The following DNAAF11 variants were observed in gnomAD, a reference collection of about 807,000 sequenced individuals.
DNAAF11 encodes the protein dynein axonemal assembly factor 11, also known as leucine rich repeat containing 6.
DNAAF11 carries 45 observed loss-of-function variants against 60.8 expected under a neutral mutation model. That is an observed-to-expected ratio of 0.74 (90% CI 0.58 to 0.95). The LOEUF (loss-of-function observed/expected upper bound fraction) is 0.95, where lower values mean the gene tolerates loss of function less well. DNAAF11 is among the 40% of genes least tolerant of loss of function. DNAAF11 has a pLI of 0.00. For missense variants in DNAAF11, 546 were observed against 546.2 expected (o/e 1.00, Z 0.00); for synonymous variants, 191 against 183.5 (o/e 1.04, Z -0.33).
At chr8:132,624,171 A>G (rs976978846) in intron 6 of DNAAF11, among the ~76,000 whole-genome samples, 7 of 152,196 alleles carry the variant, frequency 4.6e-5, no homozygotes, top group African/African-American at 7.2e-5. Flanking sequence ...TTCTATAAAC[A>G]TGTAGAACTT....
chr8:132,623,178 T>C (rs942513105), intron 6 of DNAAF11, among the ~76,000 whole-genome samples: 1 of 152,150 alleles, frequency 6.6e-6, no homozygotes, highest in Non-Finnish European at 1.5e-5. Flanking sequence ...TTATTTACAG[T>C]AGCAAACCCC....
At chr8:132,650,662 T>G (rs1250711662) in intron 3 of DNAAF11, among the ~76,000 whole-genome samples, 1 of 152,248 alleles carries the variant, frequency 6.6e-6, no homozygotes, top group Non-Finnish European at 1.5e-5. Flanking sequence ...TATGTTTCTA[T>G]GTTTATTTTA....
rs566694961 is a variant in DNAAF11, at chr8:132,661,616, G to C, written c.22C>G (p.Leu8Val). The change falls in exon 2 of 12, where the codon CTT becomes GTT. Residue 8 changes from leucine (L) to valine (V), a missense_variant. Transcript: ENST00000620350. ...TTGTGTTCAGCATTCCGTCTAATAA[G>C]ATCTTCTGTGACTGGAAGAAAATGT... The part of the protein sequence containing the change: MGWITED[L>V]IRRNAEHNDC... 1 of 1,613,856 alleles carries C rather than the reference G, an allele frequency of 6.2e-7. No individual in the cohort carries two copies. Among genetic ancestry groups the C allele is most frequent in the South Asian group, 1.1e-5 (1 of 91,078 alleles).
the DNAAF11 span, among the ~76,000 whole-genome samples, chr8:132,693,687 G>A: frequency 2.3e-3 from 352 of 152,160 alleles, 1 homozygote; most frequent in African/African-American, 8.1e-3. Flanking sequence ...GGAAGGAGAT[G>A]TGATTGCTGG....
chr8:132,595,118 G>A (rs1586518075), intron 10 of DNAAF11, among the ~76,000 whole-genome samples: 1 of 151,980 alleles, frequency 6.6e-6, no homozygotes, highest in African/African-American at 2.4e-5. Context: ...ACCCAGTCTT[G>A]GGTATTTATT....
chr8:132,591,420 T>A (rs35132159), intron 10 of DNAAF11, among the ~76,000 whole-genome samples: 23,898 of 151,480 alleles, frequency 0.16, 2,927 homozygotes, highest in African/African-American at 0.34. Flanking sequence ...AGCCATAAAA[T>A]TTTTTTAAAT....
chr8:132,608,930 C>T lies in DNAAF11; in HGVS notation c.1140+1236G>A, dbSNP rs185866324. On this transcript the variant is annotated intron_variant, in intron 10 of 11. Coordinates refer to ENST00000620350, the MANE Select transcript of DNAAF11 (RefSeq NM_012472.6). ...TCCGTTGGAAATTGGCTACAGGAAA[C>T]GCAGAATTATTAAATTATTACAGAA... Among the ~76,000 whole-genome samples the T allele has an allele frequency of 1.1e-4, 16 of 152,188 alleles. 1 individual carries two copies. Among genetic ancestry groups the T allele is most frequent in the Admixed American group, 6.5e-4 (10 of 15,284 alleles).
At chr8:132,687,140 GT>G in the DNAAF11 span, among the ~76,000 whole-genome samples, 38 of 152,246 alleles carry the variant, frequency 2.5e-4, 1 homozygote, top group Admixed American at 2.4e-3. Context: ...TAGTCTAACT[GT>G]TGCAAAGCAG....
intron 10 of DNAAF11, among the ~76,000 whole-genome samples, chr8:132,585,020 T>C (rs1031740372): frequency 6.6e-6 from 1 of 152,214 alleles, no homozygotes; most frequent in Non-Finnish European, 1.5e-5. Context: ...TATTAATACA[T>C]GGGGTAATTT....
intron 5 of DNAAF11, among the ~76,000 whole-genome samples, chr8:132,628,462 T>G (rs983554588): frequency 6.6e-6 from 1 of 152,122 alleles, no homozygotes; most frequent in Non-Finnish European, 1.5e-5. Context: ...TGTGAGCTGT[T>G]TCCATTAATA....
intron 5 of DNAAF11, among the ~76,000 whole-genome samples, chr8:132,630,497 G>T (rs1820692203): frequency 6.6e-6 from 1 of 152,098 alleles, no homozygotes; most frequent in Admixed American, 6.5e-5. Context: ...GGATAAAGAA[G>T]AATTCCATAA....
At chr8:132,622,159 A>C (rs1819826453) in intron 7 of DNAAF11, among the ~76,000 whole-genome samples, 1 of 152,158 alleles carries the variant, frequency 6.6e-6, no homozygotes, top group Non-Finnish European at 1.5e-5. Flanking sequence ...CATTAAATTC[A>C]TTGAGGGTAT....
At chr8:132,681,673 T>A in the DNAAF11 span, among the ~76,000 whole-genome samples, 1 of 152,220 alleles carries the variant, frequency 6.6e-6, no homozygotes, top group African/African-American at 2.4e-5. Context: ...TCAGACATTC[T>A]AGTAATCAAG....
intron 2 of DNAAF11, among the ~76,000 whole-genome samples, chr8:132,657,823 C>CT (rs1823734923): frequency 1.3e-5 from 2 of 152,082 alleles, no homozygotes; most frequent in African/African-American, 4.8e-5. Context: ...CTATTGTCTC[C>CT]TTTTTACAAA....
intron 1 of DNAAF11, among the ~76,000 whole-genome samples, chr8:132,664,533 C>T (rs113296241): frequency 1.2e-4 from 19 of 152,282 alleles, no homozygotes; most frequent in African/African-American, 3.9e-4. Flanking sequence ...TGCAGTGGCA[C>T]GATTACAGTT....
At chr8:132,619,826 T>C (rs1356739092) in intron 7 of DNAAF11, among the ~76,000 whole-genome samples, 2 of 152,148 alleles carry the variant, frequency 1.3e-5, no homozygotes, top group African/African-American at 4.8e-5. Flanking sequence ...AGCAACTAAG[T>C]CCTTGATAGG....
the DNAAF11 span, among the ~76,000 whole-genome samples, chr8:132,694,264 A>C: frequency 6.6e-6 from 1 of 152,220 alleles, no homozygotes; most frequent in Non-Finnish European, 1.5e-5. Flanking sequence ...TTGTGGACTC[A>C]GTTGTGTCCT....
intron 10 of DNAAF11, among the ~76,000 whole-genome samples, chr8:132,600,439 T>G (rs1396301310): frequency 2.0e-5 from 3 of 152,102 alleles, no homozygotes; most frequent in Non-Finnish European, 4.4e-5. Context: ...AGTTCATATG[T>G]AACCAAAAAA....
chr8:132,682,349 T>C, the DNAAF11 span, among the ~76,000 whole-genome samples: 7 of 152,266 alleles, frequency 4.6e-5, no homozygotes, highest in East Asian at 1.4e-3. Flanking sequence ...TTTCAGCCCT[T>C]CCTGCCAAGG....
Sources: allele counts gnomAD v4.1 joint callset (sites outside exome capture counted in the v4.1 genomes callset), GRCh38; gene constraint gnomAD v4.1.1; transcripts MANE v1.5; gene names NCBI Gene and HGNC (gene_info 2026-07-23, HGNC 2026-07-21).